The following NCBP1 variants were observed in gnomAD, a reference collection of about 807,000 sequenced individuals.
NCBP1 encodes nuclear cap-binding protein subunit 1.
A neutral mutation model predicts 111.7 loss-of-function variants in NCBP1; 16 were observed. The observed-to-expected ratio is 0.14, with a 90% confidence interval of 0.10 to 0.22. The LOEUF (loss-of-function observed/expected upper bound fraction) is 0.22. Ranked by LOEUF, NCBP1 falls within the 10% of genes least tolerant of loss-of-function variation. The probability of loss-of-function intolerance (pLI) is 1.00; values close to 1 mark genes in which losing one functional copy is unlikely to be tolerated. For missense variants in NCBP1, 607 were observed against 957.5 expected (o/e 0.63, Z 4.83); for synonymous variants, 304 against 314.3 (o/e 0.97, Z 0.35).
intron 4 of NCBP1, 84 bp from the exon 5 acceptor site, chr9:97,645,033 A>G (rs1400944569): frequency 2.0e-6 from 2 of 1,005,536 alleles, no homozygotes; most frequent in Admixed American, 1.8e-5. Flanking sequence ...TTAGACCAAT[A>G]GTTTAGCCTA....
At position 97,668,016 on chromosome 9, in the gene NCBP1, T is replaced by C. The variant is rs188815248; in HGVS notation, c.2017-830T>C. Among the ~76,000 whole-genome samples, 4 of 152,302 alleles carry C rather than the reference T, an allele frequency of 2.6e-5. No individual in the cohort carries two copies. In the East Asian group the frequency reaches 7.7e-4, roughly 29 times the overall value. ...GAGAGAAAAGCAAGATTCTGTGATA[T>C]CCGAGAGCAGGGTTCTGATAATTTT... On this transcript the variant is annotated intron_variant, in intron 20 of 22. Transcript: ENST00000375147.
At chr9:97,635,610 C>T (rs919458199) in intron 1 of NCBP1, among the ~76,000 whole-genome samples, 2 of 151,592 alleles carry the variant, frequency 1.3e-5, no homozygotes, top group African/African-American at 4.9e-5. Flanking sequence ...TTTGTAGAGA[C>T]GGGGTTTCGC....
chr9:97,637,914 T>C (rs770527573), intron 1 of NCBP1, among the ~76,000 whole-genome samples: 15 of 152,234 alleles, frequency 9.9e-5, no homozygotes, highest in Non-Finnish European at 2.1e-4. Flanking sequence ...TCCTTTCAGA[T>C]GGATTTTATA....
intron 1 of NCBP1, among the ~76,000 whole-genome samples, chr9:97,639,309 G>A (rs2131332087): frequency 6.6e-6 from 1 of 152,212 alleles, no homozygotes; most frequent in Admixed American, 6.5e-5. Flanking sequence ...ATCCTATGTG[G>A]ATAGTAATAG....
At position 97,671,224 on chromosome 9, in the gene NCBP1, GT is replaced by G. The variant is rs554720009; in HGVS notation, c.*33del. On this transcript the variant is annotated 3_prime_UTR_variant, in exon 23 of 23. Transcript: ENST00000375147. Reference sequence around the variant, plus strand: ...AGGGTCATTTTTTCCTCATGTCAAGGTTTTTTTTGATATCTTAAAATAATTT... The same window carrying G: ...AGGGTCATTTTTTCCTCATGTCAAGGTTTTTTTGATATCTTAAAATAATTT... The G allele has an allele frequency of 4.7e-5, 69 of 1,478,700 alleles. No homozygotes were observed. The highest frequency in any genetic ancestry group is 5.7e-5 in the Admixed American group (3 of 52,176). The allele number at this position is 1,478,700 out of a possible 1,614,324, so 91.6% of individuals were successfully genotyped here. A position where few individuals can be genotyped will look rare whatever the true frequency, so the allele number is the denominator to read the frequency against.
At chr9:97,662,708 C>T (rs568952469) in intron 17 of NCBP1, among the ~76,000 whole-genome samples, 58 of 152,182 alleles carry the variant, frequency 3.8e-4, no homozygotes, top group Non-Finnish European at 7.6e-4. Flanking sequence ...TTAGTCCTTA[C>T]CTATTCTTTT....
intron 18 of NCBP1, among the ~76,000 whole-genome samples, chr9:97,664,023 A>G (rs1246106370): frequency 6.6e-6 from 1 of 151,840 alleles, no homozygotes; most frequent in Non-Finnish European, 1.5e-5. Context: ...TACTAAAATT[A>G]CAAAAATTAG....
chr9:97,636,516 T>C (rs1478910255), intron 1 of NCBP1, among the ~76,000 whole-genome samples: 2 of 65,244 alleles, frequency 3.1e-5, no homozygotes, highest in Admixed American at 1.6e-4. Context: ...ATATTATAAA[T>C]TTATATTTAT....
chr9:97,672,991 G>A lies in NCBP1; in HGVS notation c.*1792G>A, dbSNP rs1828239168. 6.6e-6 allele frequency: 1 copy of A among 152,418 alleles called. No individual in the cohort carries two copies. Among genetic ancestry groups the A allele is most frequent in the African/African-American group, 2.4e-5 (1 of 41,412 alleles). The allele number at this position is 152,418 out of a possible 1,614,324, so 9.4% of individuals were successfully genotyped here. A position where few individuals can be genotyped will look rare whatever the true frequency, so the allele number is the denominator to read the frequency against. On this transcript the variant is annotated 3_prime_UTR_variant, in exon 23 of 23. Transcript: ENST00000375147. ...AAAACACAAAAACTTAGCCAGGCGT[G>A]GTGGTACATGGCTGTAGTCCCAGCT...
At chr9:97,638,055 C>G (rs990062454) in intron 1 of NCBP1, among the ~76,000 whole-genome samples, 4 of 152,100 alleles carry the variant, frequency 2.6e-5, no homozygotes, top group African/African-American at 4.8e-5. Flanking sequence ...ACCATAGATA[C>G]GTTTTCTTCA....
At chr9:97,640,487 GT>G (rs1327235633) in intron 1 of NCBP1, among the ~76,000 whole-genome samples, 1 of 152,130 alleles carries the variant, frequency 6.6e-6, no homozygotes, top group African/African-American at 2.4e-5. Context: ...TGTTTAACAT[GT>G]TGTTGGCAGC....
chr9:97,636,047 A>G (rs1007920487), intron 1 of NCBP1: 3 of 152,228 alleles, frequency 2.0e-5, no homozygotes, highest in African/African-American at 4.8e-5. Flanking sequence ...AGAACCTCAG[A>G]GTAAATAAGA....
chr9:97,668,347 G>A (rs1445486123), intron 20 of NCBP1, among the ~76,000 whole-genome samples: 3 of 152,184 alleles, frequency 2.0e-5, no homozygotes, highest in Admixed American at 1.3e-4. Flanking sequence ...GATTATTAAA[G>A]CTTTACAGGA....
chr9:97,655,867 T>C, intron 13 of NCBP1, 103 bp downstream of exon 13: 1 of 1,366,628 alleles, frequency 7.3e-7, no homozygotes, highest in Non-Finnish European at 1.0e-6. Flanking sequence ...TGGAAACTAT[T>C]TGTAGTTAAG....
intron 16 of NCBP1, 75 bp downstream of exon 16, chr9:97,661,143 A>G: frequency 6.4e-7 from 1 of 1,569,968 alleles, no homozygotes; most frequent in Non-Finnish European, 8.6e-7. Context: ...CTCTGGCAAC[A>G]TGATGCTCTT....
chr9:97,668,716 G>T (rs371744191), intron 20 of NCBP1, 130 bp from the exon 21 acceptor site: 21 of 597,380 alleles, frequency 3.5e-5, no homozygotes, highest in Admixed American at 1.1e-4. Flanking sequence ...GTGGCGGGGT[G>T]GGGGGGTACT....
intron 6 of NCBP1, among the ~76,000 whole-genome samples, chr9:97,646,784 C>T (rs1459082176): frequency 1.3e-5 from 2 of 148,660 alleles, no homozygotes; most frequent in African/African-American, 2.5e-5. Flanking sequence ...TTGCAGTGAG[C>T]CGACATGGTG....
At chr9:97,667,372 A>AT (rs908011801) in intron 20 of NCBP1, among the ~76,000 whole-genome samples, 7 of 152,200 alleles carry the variant, frequency 4.6e-5, no homozygotes, top group African/African-American at 1.7e-4. Context: ...ACTATTCATT[A>AT]TGAAAGTATT....
chr9:97,647,162 A>G (rs1379970317), intron 6 of NCBP1, among the ~76,000 whole-genome samples: 2 of 152,182 alleles, frequency 1.3e-5, no homozygotes, highest in Non-Finnish European at 2.9e-5. Context: ...ATGTGCAAAT[A>G]TATTTATGGG....
Sources: gnomAD v4.1 joint callset for allele counts (sites outside exome capture counted in the v4.1 genomes callset) on GRCh38, gnomAD v4.1.1 for gene constraint, MANE v1.5 for transcripts, NCBI Gene and HGNC (gene_info 2026-07-23, HGNC 2026-07-21) for gene names.